Variants in LDHB observed in about 807,000 individuals in gnomAD.
The protein encoded by LDHB is L-lactate dehydrogenase B chain.
LDHB carries 18 observed loss-of-function variants against 33.4 expected under a neutral mutation model. That is an observed-to-expected ratio of 0.54 (90% confidence interval 0.37 to 0.80). The LOEUF (loss-of-function observed/expected upper bound fraction) is 0.80. LDHB is among the 30% of genes least tolerant of loss of function. The pLI is 0.00. For missense variants in LDHB, 345 were observed against 407.9 expected, an observed-to-expected ratio of 0.85 and a Z score of 1.33; for synonymous variants, 121 against 140.6, an observed-to-expected ratio of 0.86 and a Z score of 0.98.
chr12:21,641,929 T>C (rs770839926), intron 5 of LDHB, 23 bp downstream of exon 5: 14 of 1,595,158 alleles, frequency 8.8e-6, no homozygotes, highest in Admixed American at 1.7e-5. Flanking sequence ...TCACAAGTAA[T>C]TATTTCTTTT....
rs79349943 is a variant in LDHB, at chr12:21,641,631, T to G, written c.595+321A>C. On this transcript the variant is annotated intron_variant, in intron 5 of 7. Coordinates refer to ENST00000350669, the MANE Select transcript of LDHB (RefSeq NM_002300.8). ...AGATAATATTGTTTCAGGGTTACAT[T>G]TCCTGATTTTGGGAAGTGTACTGTG... Among the ~76,000 whole-genome samples the G allele has an allele frequency of 2.8e-4, 42 of 152,278 alleles. No homozygotes were observed. The East Asian group carries it at 7.7e-3, about 28-fold the overall frequency.
chr12:21,644,446 C>CAAAAAAAAAAAAA (rs374761135), intron 3 of LDHB, among the ~76,000 whole-genome samples: 1 of 108,844 alleles, frequency 9.2e-6, no homozygotes, highest in Non-Finnish European at 1.9e-5. Context: ...AAAAAAAAAA[C>CAAAAAAAAAAAAA]AAAAACAAAA....
intron 4 of LDHB, among the ~76,000 whole-genome samples, chr12:21,642,747 TA>T (rs1270824087): frequency 2.6e-5 from 4 of 152,132 alleles, no homozygotes; most frequent in Non-Finnish European, 5.9e-5. Context: ...GGCTAAGCTG[TA>T]AAAAGTAAAA....
intron 2 of LDHB, among the ~76,000 whole-genome samples, chr12:21,650,646 G>A (rs944641767): frequency 7.9e-5 from 12 of 152,168 alleles, no homozygotes; most frequent in African/African-American, 2.9e-4. Flanking sequence ...AGTCTGAGAT[G>A]GATAATGGGA....
intron 5 of LDHB, among the ~76,000 whole-genome samples, chr12:21,638,990 G>C (rs1938289628): frequency 6.6e-6 from 1 of 151,812 alleles, no homozygotes; most frequent in Non-Finnish European, 1.5e-5. Context: ...ACACAAAATG[G>C]GCCTTTGAAT....
At chr12:21,650,105 T>TATAC (rs1555165527) in intron 2 of LDHB, among the ~76,000 whole-genome samples, 218 of 30,996 alleles carry the variant, frequency 7.0e-3, no homozygotes, top group African/African-American at 0.016. Context: ...AGAAAAAAAA[T>TATAC]ACACACACAC....
intron 2 of LDHB, among the ~76,000 whole-genome samples, chr12:21,650,149 C>T (rs5002142): frequency 0.89 from 130,201 of 145,770 alleles, 58,530 homozygotes; most frequent in East Asian, 0.97. Flanking sequence ...CACACACACA[C>T]ACGTCTCTCT....
At chr12:21,651,970 GTC>G (rs756250765) in intron 2 of LDHB, among the ~76,000 whole-genome samples, 11 of 152,198 alleles carry the variant, frequency 7.2e-5, no homozygotes, top group Non-Finnish European at 1.0e-4. Context: ...AGAAATCATA[GTC>G]TCTGAATCTG....
At chr12:21,653,135 A>C (rs1938740860) in intron 2 of LDHB, among the ~76,000 whole-genome samples, 1 of 152,206 alleles carries the variant, frequency 6.6e-6, no homozygotes, top group Admixed American at 6.5e-5. Flanking sequence ...GAACTAAAGA[A>C]AGCTTAACTG....
Position 21,637,115 on chromosome 12 carries a change from A to C in LDHB, c.793T>G (p.Leu265Val), listed in dbSNP as rs773554527. 3 of 1,607,182 alleles carry C rather than the reference A, an allele frequency of 1.9e-6. No homozygotes were observed. Among genetic ancestry groups the C allele is most frequent in the East Asian group, 4.5e-5 (2 of 44,732 alleles). Residue 265 changes from leucine to valine, a missense_variant, in exon 7 of 8, where the codon TTG (leucine) becomes GTG (valine). Coordinates refer to ENST00000350669, the MANE Select transcript of LDHB (RefSeq NM_002300.8). ...LSVADLIESM[L>V]KNLSRIHPVS... The stretch of plus-strand genomic sequence containing the variant: ...GGATGAATCCTGGATAGATTTTTCA[A>C]CATGGATTCAATAAGATCAGCCACA...
chr12:21,646,031 TAGA>T (rs533324564), intron 3 of LDHB, among the ~76,000 whole-genome samples: 140 of 152,310 alleles, frequency 9.2e-4, no homozygotes, highest in South Asian at 7.2e-3. Flanking sequence ...ATCAAATGTG[TAGA>T]AGGTCTGTGG....
chr12:21,646,057 G>T (rs1281125864), intron 3 of LDHB, among the ~76,000 whole-genome samples: 1 of 152,162 alleles, frequency 6.6e-6, no homozygotes, highest in Non-Finnish European at 1.5e-5. Flanking sequence ...GAGGGTTAAT[G>T]TAAGTGATAC....
In LDHB at chr12:21,635,570, T is replaced by C; in HGVS notation, c.977A>G (p.Asp326Gly). The C allele has an allele frequency of 6.2e-7, 1 of 1,612,474 alleles. No individual in the cohort carries two copies. Among genetic ancestry groups the C allele is most frequent in the Middle Eastern group, 2.1e-4 (1 of 4,744 alleles). ...CAGGTCTTTTAGGTCCTTCTGGATGTCCCACAGGGTATCTGCACTTTTCTT... is the reference window on the plus strand; with the variant it reads ...CAGGTCTTTTAGGTCCTTCTGGATGCCCCACAGGGTATCTGCACTTTTCTT... ...QLKKSADTLWDIQKDLKDL is the reference protein window; with the variant it reads ...QLKKSADTLWGIQKDLKDL Residue 326 changes from aspartate to glycine, a missense_variant, in exon 8 of 8, where the codon GAC (aspartate) becomes GGC (glycine). Transcript: ENST00000350669.
chr12:21,653,157 A>G (rs1938741262), intron 2 of LDHB, among the ~76,000 whole-genome samples: 1 of 152,238 alleles, frequency 6.6e-6, no homozygotes, highest in Admixed American at 6.5e-5. Flanking sequence ...GGTTTGAACT[A>G]CAAAGGATAC....
Position 21,654,677 on chromosome 12 carries a change from A to C in LDHB, c.-6T>G. The C allele has an allele frequency of 6.2e-7, 1 of 1,611,850 alleles. No individual in the cohort carries two copies. Among genetic ancestry groups the C allele is most frequent in the South Asian group, 1.1e-5 (1 of 91,028 alleles). ...TTTTCCTTAAGAGTTGCCATTTTGC[A>C]CTGCAAGGAAAGAATCAAAACATTA... On this transcript the variant is annotated splice_region_variant and 5_prime_UTR_variant, in exon 2 of 8. Coordinates refer to ENST00000350669, the MANE Select transcript of LDHB (RefSeq NM_002300.8).
At chr12:21,638,266 C>T (rs1938271333) in intron 6 of LDHB, 87 bp downstream of exon 6, 1 of 807,016 alleles carries the variant, frequency 1.2e-6, no homozygotes, top group Admixed American at 1.8e-5. Context: ...AAGAGTTTAT[C>T]TGAGCAGACA....
intron 2 of LDHB, among the ~76,000 whole-genome samples, chr12:21,648,433 G>GA (rs550057580): frequency 4.0e-4 from 60 of 149,194 alleles, no homozygotes; most frequent in Admixed American, 2.1e-3. Context: ...ACTTTTGGTT[G>GA]AAAAAAAAAA....
intron 4 of LDHB, chr12:21,643,507 T>G (rs1239510257): frequency 5.9e-6 from 1 of 170,684 alleles, no homozygotes; most frequent in Non-Finnish European, 1.3e-5. Context: ...AATTGTTTAA[T>G]GGCTTTCTTA....
intron 3 of LDHB, among the ~76,000 whole-genome samples, chr12:21,645,910 GGA>G (rs1376586512): frequency 6.6e-6 from 1 of 152,164 alleles, no homozygotes; most frequent in Non-Finnish European, 1.5e-5. Flanking sequence ...CCACAAGGGT[GGA>G]GAGGCAGGCC....
Sources: gnomAD v4.1 joint callset for allele counts (sites outside exome capture counted in the v4.1 genomes callset) on GRCh38, gnomAD v4.1.1 for gene constraint, MANE v1.5 for transcripts, NCBI Gene and HGNC (gene_info 2026-07-23, HGNC 2026-07-21) for gene names.